Variants in C12orf54 observed in about 807,000 individuals in gnomAD.
C12orf54 encodes uncharacterized protein C12orf54.
A neutral mutation model predicts 26.4 loss-of-function variants in C12orf54; 24 were observed. The observed-to-expected ratio is 0.91, with a 90% CI of 0.66 to 1.28. C12orf54 has a LOEUF of 1.28. Among genes scored for constraint, C12orf54 ranks in the 50% most tolerant of loss-of-function variants. The pLI, the probability that C12orf54 is intolerant of heterozygous loss-of-function variation, is 0.00. For missense variants in C12orf54, 154 were observed against 150.9 expected, an observed-to-expected ratio of 1.02 and a Z score of -0.11; for synonymous variants, 54 against 47.0, an observed-to-expected ratio of 1.15 and a Z score of -0.61.
chr12:48,433,052 C>A, the C12orf54 span, among the ~76,000 whole-genome samples: 1 of 151,998 alleles, frequency 6.6e-6, no homozygotes, highest in Non-Finnish European at 1.5e-5. Flanking sequence ...TCAGAAATAA[C>A]CAAGTAGTAA....
the C12orf54 span, among the ~76,000 whole-genome samples, chr12:48,414,905 A>G: frequency 6.6e-6 from 1 of 152,106 alleles, no homozygotes; most frequent in African/African-American, 2.4e-5. Flanking sequence ...ACATACTCAC[A>G]CCCACGTTCT....
chr12:48,457,735 C>T, the C12orf54 span, among the ~76,000 whole-genome samples: 4 of 152,200 alleles, frequency 2.6e-5, no homozygotes. Flanking sequence ...CTCCAGTCTG[C>T]TGCCTCCTTG....
intron 4 of C12orf54, chr12:48,488,116 T>C (rs536562095): frequency 2.9e-5 from 24 of 816,624 alleles, no homozygotes; most frequent in Non-Finnish European, 5.1e-5. Flanking sequence ...CAAGGCTGCA[T>C]GAAGGAACAG....
chr12:48,496,467 A>T lies in C12orf54; in HGVS notation c.*327A>T, dbSNP rs904139021. Reference sequence around the variant, plus strand: ...TATGATAGTGCATTTGGTTCAAAGAACAGCACTGTAGCATGGGAGAACCTG... The same window carrying T: ...TATGATAGTGCATTTGGTTCAAAGATCAGCACTGTAGCATGGGAGAACCTG... On this transcript the variant is annotated 3_prime_UTR_variant, in exon 9 of 9. Coordinates refer to ENST00000548364, the MANE Select transcript of C12orf54 (RefSeq NM_152319.4). 12 of 152,702 alleles carry T rather than the reference A, an allele frequency of 7.9e-5. No individual in the cohort carries two copies. The highest frequency in any genetic ancestry group is 2.7e-4 in the African/African-American group (11 of 41,470). The allele number at this position is 152,702 out of a possible 1,614,324, so 9.5% of individuals were successfully genotyped here. A position where few individuals can be genotyped will look rare whatever the true frequency, so the allele number is the denominator to read the frequency against.
the C12orf54 span, among the ~76,000 whole-genome samples, chr12:48,462,682 T>C: frequency 3.3e-5 from 5 of 151,710 alleles, no homozygotes; most frequent in Admixed American, 1.3e-4. Flanking sequence ...ATCTATAATA[T>C]TCCCAATGAG....
the C12orf54 span, among the ~76,000 whole-genome samples, chr12:48,438,231 C>T: frequency 2.5e-3 from 386 of 152,280 alleles, 3 homozygotes; most frequent in Middle Eastern, 3.4e-3. Flanking sequence ...GAACTACAAA[C>T]CACTGCTCAA....
At chr12:48,414,737 C>A in the C12orf54 span, among the ~76,000 whole-genome samples, 1 of 152,134 alleles carries the variant, frequency 6.6e-6, no homozygotes, top group African/African-American at 2.4e-5. Flanking sequence ...GTGACCTGGG[C>A]CCCTGGGATG....
the C12orf54 span, among the ~76,000 whole-genome samples, chr12:48,463,474 C>T: frequency 6.6e-6 from 1 of 151,876 alleles, no homozygotes; most frequent in Non-Finnish European, 1.5e-5. Flanking sequence ...GGTAGAATCA[C>T]AGCTGAATTC....
the C12orf54 span, among the ~76,000 whole-genome samples, chr12:48,429,456 A>G: frequency 3.9e-5 from 6 of 152,034 alleles, no homozygotes; most frequent in African/African-American, 1.4e-4. Flanking sequence ...AACTGATAAA[A>G]TAATTCAGCA....
chr12:48,453,379 C>T, the C12orf54 span, among the ~76,000 whole-genome samples: 2 of 151,392 alleles, frequency 1.3e-5, no homozygotes, highest in African/African-American at 4.8e-5. Flanking sequence ...GGAAGAATGG[C>T]TAGTGGATGC....
chr12:48,488,925 T>C lies in C12orf54; in HGVS notation c.137T>C (p.Val46Ala), dbSNP rs1937721041. ...TTCTATATTTTTGTCTTCTGTCAGG[T>C]GCTGACAGTTTTTAAGGATATACAA... ...VTITETLWDQ[V>A]LTVFKDIQKE... The change falls in exon 5 of 9, where the codon GTG becomes GCG. Residue 46 changes from valine (V) to alanine (A), a missense_variant and splice_region_variant. Coordinates refer to ENST00000548364, the MANE Select transcript of C12orf54 (RefSeq NM_152319.4). 6.2e-7 allele frequency: 1 copy of C among 1,606,648 alleles called. No homozygotes were observed. Among genetic ancestry groups the C allele is most frequent in the East Asian group, 2.2e-5 (1 of 44,836 alleles).
chr12:48,424,032 G>A, the C12orf54 span, among the ~76,000 whole-genome samples: 3 of 152,148 alleles, frequency 2.0e-5, no homozygotes, highest in East Asian at 5.8e-4. Flanking sequence ...TTAGTTTGAT[G>A]AGTTCTTTTC....
At chr12:48,417,039 A>T in the C12orf54 span, 1 of 152,178 alleles carries the variant, frequency 6.6e-6, no homozygotes, top group Non-Finnish European at 1.5e-5. Context: ...ACCAGATGCA[A>T]CTCCTCAATC....
At chr12:48,426,983 T>C in the C12orf54 span, among the ~76,000 whole-genome samples, 2 of 152,016 alleles carry the variant, frequency 1.3e-5, no homozygotes, top group African/African-American at 4.8e-5. Flanking sequence ...TTTTGAGCCA[T>C]GCCCATGGGG....
At chr12:48,466,237 AT>A in the C12orf54 span, among the ~76,000 whole-genome samples, 1 of 152,180 alleles carries the variant, frequency 6.6e-6, no homozygotes, top group African/African-American at 2.4e-5. Flanking sequence ...TTGTTCAGAC[AT>A]TTCATCAAAG....
At chr12:48,488,301 G>T in intron 4 of C12orf54, 2 of 555,510 alleles carry the variant, frequency 3.6e-6, no homozygotes, top group South Asian at 1.7e-5. Context: ...ACTTACAAGA[G>T]GGGAAGCCAA....
intron 8 of C12orf54, chr12:48,495,712 T>C (rs1385810194): frequency 1.3e-5 from 2 of 152,542 alleles, no homozygotes; most frequent in African/African-American, 4.8e-5. Context: ...AGAAAATTGG[T>C]TTCATCCACC....
intron 8 of C12orf54, 42 bp downstream of exon 8, chr12:48,495,021 C>A: frequency 1.4e-6 from 2 of 1,463,560 alleles, no homozygotes; most frequent in South Asian, 1.2e-5. Context: ...TCCACCCTGC[C>A]CATCTGTGGT....
chr12:48,494,621 A>T lies in C12orf54; in HGVS notation c.243-177A>T, dbSNP rs375455329. On this transcript the variant is annotated intron_variant, in intron 7 of 8. Coordinates refer to ENST00000548364, the MANE Select transcript of C12orf54 (RefSeq NM_152319.4). ...TTCATCTCCTAAAGCCCACCCAACAAGAGCTTTTTCCTGTGAGCCATGCAT... is the reference window on the plus strand; with the variant it reads ...TTCATCTCCTAAAGCCCACCCAACATGAGCTTTTTCCTGTGAGCCATGCAT... Among the ~76,000 whole-genome samples the T allele has an allele frequency of 7.2e-5, 11 of 152,264 alleles. No homozygotes were observed. The East Asian group carries it at 1.4e-3, about 19-fold the overall frequency.
Sources: allele counts gnomAD v4.1 joint callset (sites outside exome capture counted in the v4.1 genomes callset), GRCh38; gene constraint gnomAD v4.1.1; transcripts MANE v1.5; gene names NCBI Gene and HGNC (gene_info 2026-07-23, HGNC 2026-07-21).